Variants in KLHL1 observed in about 807,000 individuals in gnomAD.
KLHL1 encodes kelch like family member 1.
A neutral mutation model predicts 77.7 loss-of-function variants in KLHL1; 47 were observed. The ratio of observed to expected loss-of-function variants is 0.60; its 90% CI spans 0.48 to 0.77. KLHL1 has a LOEUF of 0.77. Among genes scored for constraint, KLHL1 ranks in the 30% least tolerant of loss-of-function variants. The pLI is 0.00. For missense variants in KLHL1, 925 were observed against 910.8 expected (o/e 1.02, Z -0.20); for synonymous variants, 360 against 325.2 (o/e 1.11, Z -1.15).
At chr13:70,098,873 A>T (rs1031671309) in intron 1 of KLHL1, among the ~76,000 whole-genome samples, 4 of 151,858 alleles carry the variant, frequency 2.6e-5, no homozygotes, top group Non-Finnish European at 5.9e-5. Context: ...CAATGTGAAT[A>T]AACAACCACT....
intron 8 of KLHL1, among the ~76,000 whole-genome samples, chr13:69,733,639 G>A (rs1873646532): frequency 6.6e-6 from 1 of 152,164 alleles, no homozygotes; most frequent in Admixed American, 6.5e-5. Context: ...TAGAGAATGT[G>A]ATAGCACTAG....
intron 4 of KLHL1, chr13:69,894,667 A>G (rs1212616282): frequency 6.1e-6 from 1 of 163,356 alleles, no homozygotes; most frequent in Non-Finnish European, 1.3e-5. Context: ...CTGAGGTTTG[A>G]TTTGCAACTA....
chr13:69,837,457 T>G lies in KLHL1; in HGVS notation c.1414+1519A>C, dbSNP rs541806084. 2.0e-5 allele frequency among the ~76,000 whole-genome samples: 3 copies of G among 151,324 alleles called. No individual in the cohort carries two copies. In the East Asian group the frequency reaches 5.8e-4, roughly 29 times the overall value. On this transcript the variant is annotated intron_variant, in intron 6 of 10. Coordinates refer to ENST00000377844, the MANE Select transcript of KLHL1 (RefSeq NM_020866.3). The stretch of plus-strand genomic sequence containing the variant: ...ATTACAAGCAACAAAAGTAACAACT[T>G]CAAGAATGTTAGTAAATCTAAATAT...
intron 9 of KLHL1, among the ~76,000 whole-genome samples, chr13:69,713,820 C>A (rs776952211): frequency 6.6e-5 from 10 of 151,852 alleles, no homozygotes; most frequent in Non-Finnish European, 1.2e-4. Context: ...CATGGTATTT[C>A]TACCAAATTT....
At chr13:70,006,030 C>T (rs1048425198) in intron 1 of KLHL1, among the ~76,000 whole-genome samples, 1 of 151,956 alleles carries the variant, frequency 6.6e-6, no homozygotes, top group Admixed American at 6.6e-5. Context: ...TTTCCCTCAG[C>T]CACTGGCAAC....
At chr13:69,804,838 A>G (rs1369712516) in intron 6 of KLHL1, among the ~76,000 whole-genome samples, 1 of 152,268 alleles carries the variant, frequency 6.6e-6, no homozygotes, top group East Asian at 1.9e-4. Context: ...TGTTTGATGT[A>G]TTGTCTTTTA....
chr13:70,077,806 T>C (rs913445251), intron 1 of KLHL1, among the ~76,000 whole-genome samples: 1 of 152,020 alleles, frequency 6.6e-6, no homozygotes. Context: ...AAACATATTA[T>C]ATACACAAAA....
intron 1 of KLHL1, among the ~76,000 whole-genome samples, chr13:70,086,934 C>G (rs574019624): frequency 6.6e-6 from 1 of 152,128 alleles, no homozygotes; most frequent in Admixed American, 6.5e-5. Flanking sequence ...AGCCCAAAAA[C>G]AGTTTGGTAA....
intron 1 of KLHL1, among the ~76,000 whole-genome samples, chr13:69,978,951 A>G (rs1884626208): frequency 1.3e-5 from 2 of 151,932 alleles, no homozygotes; most frequent in South Asian, 4.2e-4. Flanking sequence ...AGAAAGAAAT[A>G]GAGCTTGGTG....
intron 1 of KLHL1, among the ~76,000 whole-genome samples, chr13:69,996,128 C>A (rs887677043): frequency 5.3e-5 from 8 of 151,888 alleles, no homozygotes; most frequent in African/African-American, 1.7e-4. Flanking sequence ...CATGGTAAAA[C>A]CCTGTCTCTA....
intron 6 of KLHL1, among the ~76,000 whole-genome samples, chr13:69,801,296 G>A (rs999296666): frequency 6.6e-6 from 1 of 152,126 alleles, no homozygotes; most frequent in Non-Finnish European, 1.5e-5. Context: ...TGATTAAGAG[G>A]AGGCAGAAAT....
intron 5 of KLHL1, among the ~76,000 whole-genome samples, chr13:69,876,821 T>C (rs1593910248): frequency 6.6e-6 from 1 of 152,166 alleles, no homozygotes; most frequent in Non-Finnish European, 1.5e-5. Context: ...GTGGATCACC[T>C]GAGATCAGGA....
intron 1 of KLHL1, among the ~76,000 whole-genome samples, chr13:70,037,515 A>T (rs1886269533): frequency 6.6e-6 from 1 of 151,856 alleles, no homozygotes; most frequent in African/African-American, 2.4e-5. Context: ...CACTTATTTT[A>T]TTTGTAATTT....
At chr13:69,964,961 C>A (rs1189169862) in intron 2 of KLHL1, among the ~76,000 whole-genome samples, 1 of 151,828 alleles carries the variant, frequency 6.6e-6, no homozygotes, top group Non-Finnish European at 1.5e-5. Flanking sequence ...ATACTACCCC[C>A]ACAAAAAAAA....
intron 8 of KLHL1, among the ~76,000 whole-genome samples, chr13:69,737,737 T>C (rs1465512177): frequency 1.3e-5 from 2 of 152,174 alleles, no homozygotes. Flanking sequence ...AGAACTCTGA[T>C]ATCCCTGAGA....
At chr13:70,000,254 G>A (rs895816440) in intron 1 of KLHL1, among the ~76,000 whole-genome samples, 1 of 151,744 alleles carries the variant, frequency 6.6e-6, no homozygotes, top group Non-Finnish European at 1.5e-5. Context: ...AGAACTTATG[G>A]TAAGAACCAT....
intron 1 of KLHL1, among the ~76,000 whole-genome samples, chr13:70,073,584 A>G (rs1887188477): frequency 6.6e-6 from 1 of 151,852 alleles, no homozygotes; most frequent in African/African-American, 2.4e-5. Flanking sequence ...GCAATAGCCC[A>G]GGCCATCACA....
intron 4 of KLHL1, among the ~76,000 whole-genome samples, chr13:69,886,848 G>A (rs758589088): frequency 1.8e-4 from 27 of 151,960 alleles, no homozygotes; most frequent in African/African-American, 2.4e-4. Flanking sequence ...TCCTAGTCAC[G>A]GTTCTAAGCA....
At chr13:69,899,593 G>A (rs1305503715) in intron 4 of KLHL1, among the ~76,000 whole-genome samples, 1 of 152,172 alleles carries the variant, frequency 6.6e-6, no homozygotes, top group African/African-American at 2.4e-5. Flanking sequence ...AGGCAAAGCT[G>A]TGAACAGCAC....
Sources: gnomAD v4.1 joint callset for allele counts (sites outside exome capture counted in the v4.1 genomes callset) on GRCh38, gnomAD v4.1.1 for gene constraint, MANE v1.5 for transcripts, NCBI Gene and HGNC (gene_info 2026-07-23, HGNC 2026-07-21) for gene names.